The following SHISA9 variants were observed in gnomAD, a reference collection of about 807,000 sequenced individuals.
SHISA9 encodes protein shisa-9.
Under a neutral mutation model 38.0 loss-of-function variants are expected in SHISA9, and 13 were observed. That is an observed-to-expected ratio of 0.34 (90% CI 0.22 to 0.54). SHISA9 has a LOEUF of 0.54. Among genes scored for constraint, SHISA9 ranks in the 20% least tolerant of loss-of-function variants. The pLI, the probability that SHISA9 is intolerant of heterozygous loss-of-function variation, is 0.91. For synonymous variants in SHISA9, 275 were observed against 242.0 expected, an observed-to-expected ratio of 1.14 and a Z score of -1.27; for missense variants, 538 against 575.8, an observed-to-expected ratio of 0.93 and a Z score of 0.67.
At chr16:12,948,738 T>C (rs2071717853) in intron 2 of SHISA9, among the ~76,000 whole-genome samples, 1 of 152,172 alleles carries the variant, frequency 6.6e-6, no homozygotes, top group Non-Finnish European at 1.5e-5. Context: ...CACTTCTTAA[T>C]ATCATCACTA....
At chr16:13,416,183 C>A in the SHISA9 span, among the ~76,000 whole-genome samples, 1 of 152,106 alleles carries the variant, frequency 6.6e-6, no homozygotes. Context: ...AAGAAACAAG[C>A]TAGCTGAAGG....
At chr16:13,220,892 T>C (rs1160769738) in intron 4 of SHISA9, among the ~76,000 whole-genome samples, 1 of 152,166 alleles carries the variant, frequency 6.6e-6, no homozygotes, top group Non-Finnish European at 1.5e-5. Flanking sequence ...AGAGGGCTCC[T>C]GGCAGCCACA....
At chr16:13,284,014 C>G in the SHISA9 span, among the ~76,000 whole-genome samples, 2 of 152,172 alleles carry the variant, frequency 1.3e-5, no homozygotes, top group African/African-American at 2.4e-5. Context: ...GGCAACCTCT[C>G]TGCACATCTT....
chr16:13,512,168 T>C, the SHISA9 span, among the ~76,000 whole-genome samples: 2 of 152,106 alleles, frequency 1.3e-5, no homozygotes, highest in South Asian at 2.1e-4. Context: ...AGAATATTTA[T>C]AGAAATACAA....
At chr16:13,398,231 C>T in the SHISA9 span, among the ~76,000 whole-genome samples, 1 of 152,158 alleles carries the variant, frequency 6.6e-6, no homozygotes, top group Admixed American at 6.5e-5. Context: ...TACCCATCCT[C>T]ACCTTGTCTG....
intron 2 of SHISA9, among the ~76,000 whole-genome samples, chr16:13,097,163 C>T (rs987676814): frequency 2.0e-5 from 3 of 152,150 alleles, no homozygotes; most frequent in African/African-American, 4.8e-5. Context: ...AATCCCTATA[C>T]AGAACCCCAC....
chr16:12,921,509 C>A (rs867882012), intron 2 of SHISA9, among the ~76,000 whole-genome samples: 6 of 152,176 alleles, frequency 3.9e-5, no homozygotes, highest in African/African-American at 1.4e-4. Context: ...GACCTGTAGT[C>A]TCAGTGCTTT....
chr16:13,454,827 C>A, the SHISA9 span, among the ~76,000 whole-genome samples: 1 of 152,284 alleles, frequency 6.6e-6, no homozygotes, highest in South Asian at 2.1e-4. Context: ...TCTGTCCCTG[C>A]TTACTATTTA....
At chr16:13,431,177 C>A in the SHISA9 span, among the ~76,000 whole-genome samples, 1 of 152,176 alleles carries the variant, frequency 6.6e-6, no homozygotes, top group Non-Finnish European at 1.5e-5. Flanking sequence ...AATTTGACCT[C>A]CCCTCATCCC....
the SHISA9 span, among the ~76,000 whole-genome samples, chr16:13,324,542 T>C: frequency 1.3e-5 from 2 of 152,168 alleles, no homozygotes; most frequent in Non-Finnish European, 2.9e-5. Flanking sequence ...ATTTCACTTC[T>C]ATGAGCTGCA....
intron 2 of SHISA9, among the ~76,000 whole-genome samples, chr16:13,099,417 G>C (rs557980516): frequency 6.6e-6 from 1 of 152,174 alleles, no homozygotes; most frequent in Admixed American, 6.5e-5. Flanking sequence ...TAAAACAAGG[G>C]TGGGGGACAA....
chr16:13,434,056 G>A, the SHISA9 span, among the ~76,000 whole-genome samples: 1 of 152,142 alleles, frequency 6.6e-6, no homozygotes, highest in African/African-American at 2.4e-5. Flanking sequence ...CAAAAGTAGG[G>A]AAGCCAACAG....
At chr16:13,399,494 TG>T in the SHISA9 span, among the ~76,000 whole-genome samples, 1 of 152,198 alleles carries the variant, frequency 6.6e-6, no homozygotes, top group African/African-American at 2.4e-5. Flanking sequence ...CAGTTATTTT[TG>T]TGAGTCCCCA....
At chr16:13,051,524 C>T (rs1329232552) in intron 2 of SHISA9, among the ~76,000 whole-genome samples, 1 of 152,212 alleles carries the variant, frequency 6.6e-6, no homozygotes, top group East Asian at 1.9e-4. Context: ...AATATCTTCA[C>T]TTTACACACC....
At chr16:13,172,741 A>ATTT (rs35564627) in intron 2 of SHISA9, among the ~76,000 whole-genome samples, 94 of 128,868 alleles carry the variant, frequency 7.3e-4, no homozygotes, top group African/African-American at 2.5e-3. Context: ...TATCTTGATG[A>ATTT]TTTTTTTTTT....
intron 1 of SHISA9, among the ~76,000 whole-genome samples, chr16:12,913,425 G>A (rs1028924169): frequency 6.6e-6 from 1 of 152,170 alleles, no homozygotes; most frequent in South Asian, 2.1e-4. Flanking sequence ...TTGAAATCCT[G>A]ATCTCAGGTG....
the SHISA9 span, among the ~76,000 whole-genome samples, chr16:13,367,712 G>GCGCTCACA: frequency 9.6e-6 from 1 of 104,690 alleles, no homozygotes; most frequent in African/African-American, 3.5e-5. Context: ...GCGCGCGCGC[G>GCGCTCACA]CACACACACA....
the SHISA9 span, among the ~76,000 whole-genome samples, chr16:13,409,465 A>G: frequency 2.6e-5 from 4 of 152,176 alleles, no homozygotes; most frequent in Admixed American, 6.5e-5. Context: ...ACACTTGCCC[A>G]CTTGGGCTCC....
At chr16:13,022,913 A>G (rs2072875185) in intron 2 of SHISA9, among the ~76,000 whole-genome samples, 1 of 152,186 alleles carries the variant, frequency 6.6e-6, no homozygotes, top group African/African-American at 2.4e-5. Context: ...GTATAAGGAC[A>G]TCTGTCACTG....
Sources: allele counts gnomAD v4.1 joint callset (sites outside exome capture counted in the v4.1 genomes callset), GRCh38; gene constraint gnomAD v4.1.1; transcripts MANE v1.5; gene names NCBI Gene and HGNC (gene_info 2026-07-23, HGNC 2026-07-21).